SGCZ: variants seen among roughly 807,000 people sequenced by gnomAD.
The protein encoded by SGCZ is sarcoglycan zeta, also known as zeta-sarcoglycan.
SGCZ carries 40 observed loss-of-function variants against 41.3 expected under a neutral mutation model. The observed-to-expected ratio is 0.97, with a 90% CI of 0.75 to 1.26. The LOEUF (loss-of-function observed/expected upper bound fraction) is 1.26, where lower values mean the gene tolerates loss of function less well. Ranked by LOEUF, SGCZ falls within the 50% of genes most tolerant of loss-of-function variation. The pLI is 0.00. For missense variants in SGCZ, 552 were observed against 369.8 expected (o/e 1.49, Z -4.04); for synonymous variants, 206 against 137.5 (o/e 1.50, Z -3.49).
intron 5 of SGCZ, among the ~76,000 whole-genome samples, chr8:14,150,598 G>T (rs997850951): frequency 6.6e-6 from 1 of 152,084 alleles, no homozygotes; most frequent in Non-Finnish European, 1.5e-5. Flanking sequence ...AAACCACTAT[G>T]GAGAACAGTT....
At chr8:14,392,130 T>C (rs918709717) in intron 2 of SGCZ, among the ~76,000 whole-genome samples, 2 of 152,128 alleles carry the variant, frequency 1.3e-5, no homozygotes, top group African/African-American at 2.4e-5. Context: ...AAATATAATA[T>C]TTCAGATAAA....
chr8:14,871,914 A>G (rs1054462411), intron 1 of SGCZ, among the ~76,000 whole-genome samples: 6 of 151,076 alleles, frequency 4.0e-5, no homozygotes, highest in African/African-American at 1.5e-4. Flanking sequence ...GTATGTATAT[A>G]TATGTGTGTG....
intron 1 of SGCZ, among the ~76,000 whole-genome samples, chr8:14,676,855 C>T (rs1808294114): frequency 6.6e-6 from 1 of 152,064 alleles, no homozygotes; most frequent in South Asian, 2.1e-4. Flanking sequence ...ACAGCTAACA[C>T]CATACTTAAC....
At chr8:14,945,646 C>T (rs920340464) in intron 1 of SGCZ, among the ~76,000 whole-genome samples, 1 of 150,772 alleles carries the variant, frequency 6.6e-6, no homozygotes, top group Non-Finnish European at 1.5e-5. Flanking sequence ...AGTTGCCAGA[C>T]TGAGGGGGGA....
At chr8:14,541,849 T>C (rs541364868) in intron 2 of SGCZ, among the ~76,000 whole-genome samples, 4 of 152,270 alleles carry the variant, frequency 2.6e-5, no homozygotes, top group South Asian at 2.1e-4. Flanking sequence ...TGGTATCTCA[T>C]TGTGGTTTTG....
At chr8:14,606,126 T>C (rs1223718315) in intron 1 of SGCZ, among the ~76,000 whole-genome samples, 1 of 152,126 alleles carries the variant, frequency 6.6e-6, no homozygotes, top group Non-Finnish European at 1.5e-5. Flanking sequence ...CGAGGAACAA[T>C]GTATAGCCAT....
chr8:14,360,646 A>T (rs1042395611), intron 2 of SGCZ, among the ~76,000 whole-genome samples: 6 of 148,574 alleles, frequency 4.0e-5, no homozygotes, highest in East Asian at 3.9e-4. Flanking sequence ...TTATTTATTT[A>T]TTTTTTATCG....
rs146247120 is a variant in SGCZ, at chr8:14,104,224, T to C, written c.621-1725A>G. ...AGTGAATTATAATTGTATTCATTTT[T>C]ATAATTGTATTCATTTGGAAAGCAC... On this transcript the variant is annotated intron_variant, in intron 6 of 7. Transcript: ENST00000382080. 4.9e-3 allele frequency among the ~76,000 whole-genome samples: 743 copies of C among 152,296 alleles called. 26 individuals carry two copies. Among genetic ancestry groups the C allele is most frequent in the Admixed American group, 0.042 (644 of 15,290 alleles).
chr8:14,249,020 T>C (rs1268872565), intron 3 of SGCZ, among the ~76,000 whole-genome samples: 1 of 152,198 alleles, frequency 6.6e-6, no homozygotes, highest in Non-Finnish European at 1.5e-5. Context: ...TAGTTTTGTG[T>C]CAGTTAGACT....
intron 1 of SGCZ, among the ~76,000 whole-genome samples, chr8:14,890,881 A>G (rs1028597331): frequency 7.9e-5 from 12 of 152,194 alleles, no homozygotes; most frequent in African/African-American, 2.7e-4. Flanking sequence ...CAGGCTCTTC[A>G]GAATTATGCT....
chr8:14,790,177 G>T (rs12680690), intron 1 of SGCZ, among the ~76,000 whole-genome samples: 1 of 152,166 alleles, frequency 6.6e-6, no homozygotes, highest in African/African-American at 2.4e-5. Flanking sequence ...GAGGGCCAGT[G>T]CTTTCAAAGT....
chr8:14,319,454 G>A, intron 3 of SGCZ: 1 of 151,974 alleles, frequency 6.6e-6, no homozygotes, highest in East Asian at 1.9e-4. Context: ...AAACCAACTA[G>A]CACTGTTACA....
Position 14,793,387 on chromosome 8 carries a change from C to T in SGCZ, c.40-238461G>A, listed in dbSNP as rs114588465. Among the ~76,000 whole-genome samples, 294 of 152,218 alleles carry T rather than the reference C, an allele frequency of 1.9e-3. 2 individuals are homozygous for T. Among genetic ancestry groups the T allele is most frequent in the African/African-American group, 6.2e-3 (257 of 41,552 alleles). On this transcript the variant is annotated intron_variant, in intron 1 of 7. Coordinates refer to ENST00000382080, the MANE Select transcript of SGCZ (RefSeq NM_139167.4). Reference sequence around the variant, plus strand: ...CTTGAGCTACTGCACTAAGATGGCACGTAGCACAGATACTATTAATTTTGC... The same window carrying T: ...CTTGAGCTACTGCACTAAGATGGCATGTAGCACAGATACTATTAATTTTGC...
chr8:14,828,177 A>G (rs1194696664), intron 1 of SGCZ, among the ~76,000 whole-genome samples: 1 of 152,200 alleles, frequency 6.6e-6, no homozygotes, highest in Non-Finnish European at 1.5e-5. Flanking sequence ...AATCTTTACA[A>G]AAAGTTTATG....
chr8:15,157,042 A>T (rs1799352564), intron 1 of SGCZ, among the ~76,000 whole-genome samples: 1 of 152,178 alleles, frequency 6.6e-6, no homozygotes, highest in African/African-American at 2.4e-5. Flanking sequence ...GGAATCTTTC[A>T]TGAAAAAAAC....
chr8:14,329,061 C>T (rs530629373), intron 2 of SGCZ, among the ~76,000 whole-genome samples: 4 of 142,984 alleles, frequency 2.8e-5, no homozygotes, highest in East Asian at 2.0e-4. Flanking sequence ...ATATTTTCTG[C>T]GTTTTTTTTT....
At position 14,670,567 on chromosome 8, in the gene SGCZ, A is replaced by G. The variant is rs148331663; in HGVS notation, c.40-115641T>C. ...ATTAGATTAATTTGAGGCTAATGGGATATGAGCAGATCTAATCTACAAAAT... is the reference window on the plus strand; with the variant it reads ...ATTAGATTAATTTGAGGCTAATGGGGTATGAGCAGATCTAATCTACAAAAT... On this transcript the variant is annotated intron_variant, in intron 1 of 7. Coordinates refer to ENST00000382080, the MANE Select transcript of SGCZ (RefSeq NM_139167.4). Among the ~76,000 whole-genome samples the G allele has an allele frequency of 2.1e-3, 324 of 152,286 alleles. 1 individual carries two copies. Among genetic ancestry groups the G allele is most frequent in the Middle Eastern group, 6.8e-3 (2 of 294 alleles).
At chr8:14,823,129 T>C (rs755100343) in intron 1 of SGCZ, among the ~76,000 whole-genome samples, 2 of 125,878 alleles carry the variant, frequency 1.6e-5, no homozygotes, top group Admixed American at 8.5e-5. Context: ...CTATTAGAAA[T>C]AAAAGGAAAA....
intron 1 of SGCZ, among the ~76,000 whole-genome samples, chr8:14,977,119 A>G (rs1020220748): frequency 2.0e-5 from 3 of 152,296 alleles, no homozygotes; most frequent in South Asian, 4.1e-4. Context: ...TTATTCACCA[A>G]AGGATACAGT....
Sources: gnomAD v4.1 joint callset for allele counts (sites outside exome capture counted in the v4.1 genomes callset) on GRCh38, gnomAD v4.1.1 for gene constraint, MANE v1.5 for transcripts, NCBI Gene and HGNC (gene_info 2026-07-23, HGNC 2026-07-21) for gene names.